Variants in EXOC6B observed in about 807,000 individuals in gnomAD.
The protein encoded by EXOC6B is SEC15 homolog B.
A neutral mutation model predicts 113.5 loss-of-function variants in EXOC6B; 54 were observed. The ratio of observed to expected loss-of-function variants is 0.48; its 90% CI spans 0.38 to 0.60. The LOEUF is 0.60. Among genes scored for constraint, EXOC6B ranks in the 20% least tolerant of loss-of-function variants. EXOC6B has a pLI of 0.00. For synonymous variants in EXOC6B, 357 were observed against 339.0 expected (o/e 1.05, Z -0.58); for missense variants, 797 against 977.5 (o/e 0.82, Z 2.46).
chr2:72,815,417 G>A (rs1033425522), intron 1 of EXOC6B, among the ~76,000 whole-genome samples: 1 of 151,792 alleles, frequency 6.6e-6, no homozygotes, highest in African/African-American at 2.4e-5. Flanking sequence ...CTTCAGCCCA[G>A]GAGACGGAGG....
chr2:72,720,840 T>C (rs1679953291), intron 5 of EXOC6B, among the ~76,000 whole-genome samples: 1 of 151,496 alleles, frequency 6.6e-6, no homozygotes, highest in Admixed American at 6.6e-5. Context: ...CCAACAAATA[T>C]TGCTAGTAAC....
chr2:72,488,607 T>C (rs1023058447), intron 16 of EXOC6B, among the ~76,000 whole-genome samples: 1 of 152,192 alleles, frequency 6.6e-6, no homozygotes, highest in South Asian at 2.1e-4. Context: ...AGCCTTCTCG[T>C]TGCTCAAGTC....
At chr2:72,796,523 C>T (rs370108453) in intron 1 of EXOC6B, among the ~76,000 whole-genome samples, 1 of 151,098 alleles carries the variant, frequency 6.6e-6, no homozygotes, top group Non-Finnish European at 1.5e-5. Context: ...CCCCACTAGA[C>T]AATGTGCTCT....
chr2:72,531,534 A>G (rs1234631147), intron 8 of EXOC6B, among the ~76,000 whole-genome samples: 1 of 152,250 alleles, frequency 6.6e-6, no homozygotes, highest in South Asian at 2.1e-4. Flanking sequence ...TGTATGCTAG[A>G]CCATTAAGAA....
chr2:72,652,203 G>C (rs1037735441), intron 6 of EXOC6B, among the ~76,000 whole-genome samples: 8 of 148,570 alleles, frequency 5.4e-5, no homozygotes, highest in African/African-American at 2.0e-4. Context: ...AAAAAAAAAA[G>C]CCTGAGTAAT....
intron 20 of EXOC6B, among the ~76,000 whole-genome samples, chr2:72,309,509 C>T (rs188230541): frequency 6.6e-6 from 1 of 152,086 alleles, no homozygotes; most frequent in Non-Finnish European, 1.5e-5. Flanking sequence ...TCTCTACATG[C>T]TATAAAGTCA....
chr2:72,663,071 C>A (rs1049742132), intron 6 of EXOC6B, among the ~76,000 whole-genome samples: 2 of 152,156 alleles, frequency 1.3e-5, no homozygotes, highest in African/African-American at 4.8e-5. Context: ...CCAGCGATCT[C>A]ATTCCACAGT....
chr2:72,491,258 A>G (rs1699727976), intron 16 of EXOC6B, among the ~76,000 whole-genome samples: 1 of 152,196 alleles, frequency 6.6e-6, no homozygotes, highest in Non-Finnish European at 1.5e-5. Context: ...TGCTATAAGT[A>G]GAACTCAATC....
At chr2:72,409,024 A>C (rs1693984369) in intron 18 of EXOC6B, among the ~76,000 whole-genome samples, 1 of 152,220 alleles carries the variant, frequency 6.6e-6, no homozygotes, top group African/African-American at 2.4e-5. Flanking sequence ...TTACAAGAAA[A>C]AAACAAACAA....
chr2:72,264,779 T>A (rs75501816), intron 20 of EXOC6B, among the ~76,000 whole-genome samples: 1 of 152,132 alleles, frequency 6.6e-6, no homozygotes, highest in African/African-American at 2.4e-5. Context: ...GCATCTGGCA[T>A]TTCCCCTACT....
rs550671379 is a variant in EXOC6B at position 72,284,337 on chromosome 2, TG to T, written c.2196+50609del. Among the ~76,000 whole-genome samples the T allele has an allele frequency of 5.8e-3, 886 of 152,218 alleles. 4 individuals carry two copies. Among genetic ancestry groups the T allele is most frequent in the Non-Finnish European group, 9.9e-3 (675 of 67,962 alleles). On this transcript the variant is annotated intron_variant, in intron 20 of 21. Transcript: ENST00000272427. ...GGACTAACATTTGAAAATAAATCAT[TG>T]TAATCCATTATATCAATGGGCTAAG...
intron 18 of EXOC6B, among the ~76,000 whole-genome samples, chr2:72,412,714 A>G (rs1694257819): frequency 6.6e-6 from 1 of 152,236 alleles, no homozygotes; most frequent in Non-Finnish European, 1.5e-5. Flanking sequence ...GGCTAAATAA[A>G]TAAAATGTCT....
chr2:72,248,163 T>A (rs1682784601), intron 20 of EXOC6B, among the ~76,000 whole-genome samples: 1 of 152,190 alleles, frequency 6.6e-6, no homozygotes, highest in Admixed American at 6.5e-5. Context: ...ATGACATGAA[T>A]AATAACTTTA....
intron 5 of EXOC6B, among the ~76,000 whole-genome samples, chr2:72,725,608 T>A (rs967718322): frequency 6.6e-6 from 1 of 152,084 alleles, no homozygotes; most frequent in Admixed American, 6.5e-5. Context: ...GCCAGGCTGG[T>A]CTCAAACTCC....
chr2:72,534,174 A>G (rs1327179895), intron 8 of EXOC6B, among the ~76,000 whole-genome samples: 1 of 152,194 alleles, frequency 6.6e-6, no homozygotes, highest in Non-Finnish European at 1.5e-5. Flanking sequence ...AAAATAGCTT[A>G]CGGCTATAAC....
intron 21 of EXOC6B, among the ~76,000 whole-genome samples, chr2:72,181,164 A>T (rs1334403892): frequency 1.3e-5 from 2 of 148,646 alleles, no homozygotes; most frequent in African/African-American, 5.1e-5. Context: ...AGCCAAGATC[A>T]CACCACTGCA....
chr2:72,405,413 A>C (rs988166661), intron 18 of EXOC6B, among the ~76,000 whole-genome samples: 1 of 152,216 alleles, frequency 6.6e-6, no homozygotes, highest in East Asian at 1.9e-4. Flanking sequence ...GATTCACCGA[A>C]GTTCAAATGA....
Position 72,566,592 on chromosome 2 carries a change from T to C in EXOC6B, c.847-7071A>G, listed in dbSNP as rs535536198. Reference sequence around the variant, plus strand: ...CCTGGCTGTATGTTCAACATTATAATAAACTGCTAAACTGTTTTCCAAAGC... The same window carrying C: ...CCTGGCTGTATGTTCAACATTATAACAAACTGCTAAACTGTTTTCCAAAGC... On this transcript the variant is annotated intron_variant, in intron 7 of 21. Coordinates refer to ENST00000272427, the MANE Select transcript of EXOC6B (RefSeq NM_015189.3). Among the ~76,000 whole-genome samples, 12 of 152,228 alleles carry C rather than the reference T, an allele frequency of 7.9e-5. No individual in the cohort carries two copies. The South Asian group carries it at 2.1e-3, about 26-fold the overall frequency.
intron 5 of EXOC6B, among the ~76,000 whole-genome samples, chr2:72,727,157 C>T (rs887475117): frequency 6.6e-6 from 1 of 152,008 alleles, no homozygotes; most frequent in Non-Finnish European, 1.5e-5. Flanking sequence ...TATAAAACAA[C>T]AACCTGAAAT....
Sources: gnomAD v4.1 joint callset for allele counts (sites outside exome capture counted in the v4.1 genomes callset) on GRCh38, gnomAD v4.1.1 for gene constraint, MANE v1.5 for transcripts, NCBI Gene and HGNC (gene_info 2026-07-23, HGNC 2026-07-21) for gene names.